DACH2: variants seen among roughly 807,000 people sequenced by gnomAD.
DACH2 encodes dachshund family transcription factor 2.
A neutral mutation model predicts 35.8 loss-of-function variants in DACH2; 17 were observed. The ratio of observed to expected loss-of-function variants is 0.48; its 90% CI spans 0.33 to 0.71. The LOEUF is 0.71. DACH2 is among the 30% of genes least tolerant of loss of function. The pLI is 0.02. For missense variants in DACH2, 469 were observed against 472.7 expected, an observed-to-expected ratio of 0.99 and a Z score of 0.07; for synonymous variants, 195 against 177.3, an observed-to-expected ratio of 1.10 and a Z score of -0.79.
chrX:86,534,089 G>C (rs745599189), intron 3 of DACH2, among the ~76,000 whole-genome samples: 4 of 112,136 alleles, frequency 3.6e-5, no homozygotes, highest in African/African-American at 1.3e-4. Flanking sequence ...ATTCCCTATA[G>C]CCTGATTGCT....
At chrX:86,459,909 A>G (rs1429957772) in intron 2 of DACH2, among the ~76,000 whole-genome samples, 1 of 111,126 alleles carries the variant, frequency 9.0e-6, no homozygotes, top group Non-Finnish European at 1.9e-5. Context: ...TTGCTAAACT[A>G]CTATAAAATT....
intron 1 of DACH2, among the ~76,000 whole-genome samples, chrX:86,365,768 A>T (rs2035798535): frequency 9.0e-6 from 1 of 111,270 alleles, no homozygotes; most frequent in Non-Finnish European, 1.9e-5. Context: ...TAATGTTTGC[A>T]CTTTTCTTGT....
chrX:86,592,561 A>G (rs1008591657), intron 3 of DACH2, among the ~76,000 whole-genome samples: 2 of 111,717 alleles, frequency 1.8e-5, no homozygotes, highest in Non-Finnish European at 3.8e-5. Context: ...TCACAAACTA[A>G]TTTTCTGGGA....
chrX:86,501,584 A>T lies in DACH2; in HGVS notation c.528-12695A>T, dbSNP rs537490455. On this transcript the variant is annotated intron_variant, in intron 2 of 11. Coordinates refer to ENST00000373125, the MANE Select transcript of DACH2 (RefSeq NM_053281.3). ...AGAGAATTAAAGAATTGAGATTTGA[A>T]TAGAAACTGTGTTACCTTGCTGACC... Among the ~76,000 whole-genome samples, 12 of 111,928 alleles carry T rather than the reference A, an allele frequency of 1.1e-4. No homozygotes were observed. The South Asian group carries it at 4.5e-3, about 42-fold the overall frequency.
intron 1 of DACH2, among the ~76,000 whole-genome samples, chrX:86,151,439 G>A (rs1205705367): frequency 9.0e-6 from 1 of 111,076 alleles, no homozygotes; most frequent in Non-Finnish European, 1.9e-5. Flanking sequence ...TACAAGTATT[G>A]CAATTTTATT....
chrX:86,234,313 T>G (rs2147935990), intron 1 of DACH2, among the ~76,000 whole-genome samples: 1 of 111,767 alleles, frequency 8.9e-6, no homozygotes, highest in South Asian at 3.7e-4. Flanking sequence ...CAACAATTGG[T>G]ATTCTTTCTA....
intron 2 of DACH2, among the ~76,000 whole-genome samples, chrX:86,382,565 C>T (rs1293979093): frequency 3.6e-5 from 4 of 109,597 alleles, no homozygotes; most frequent in Non-Finnish European, 7.6e-5. Context: ...GAAAACTTAA[C>T]CTGTGAGGAC....
intron 2 of DACH2, among the ~76,000 whole-genome samples, chrX:86,442,928 G>A (rs144984301): frequency 9.0e-4 from 101 of 111,639 alleles, no homozygotes; most frequent in African/African-American, 3.2e-3. Flanking sequence ...TGTCCCATGG[G>A]TCTATGTGTC....
At chrX:86,602,100 C>A (rs763672845) in intron 3 of DACH2, among the ~76,000 whole-genome samples, 57 of 112,042 alleles carry the variant, frequency 5.1e-4, no homozygotes, top group Admixed American at 1.2e-3. Flanking sequence ...TTCAAGAATG[C>A]AATATTAACA....
chrX:86,568,729 C>T (rs1209814561), intron 3 of DACH2, among the ~76,000 whole-genome samples: 1 of 111,112 alleles, frequency 9.0e-6, no homozygotes, highest in Non-Finnish European at 1.9e-5. Flanking sequence ...TCCTGATGCA[C>T]GAATGGGGCT....
At chrX:86,283,768 C>T (rs1204032104) in intron 1 of DACH2, among the ~76,000 whole-genome samples, 4 of 108,728 alleles carry the variant, frequency 3.7e-5, no homozygotes, top group Non-Finnish European at 5.7e-5. Context: ...GGAGAAATAC[C>T]TAATATAGAT....
At chrX:86,579,877 C>T (rs1168612410) in intron 3 of DACH2, among the ~76,000 whole-genome samples, 1 of 112,404 alleles carries the variant, frequency 8.9e-6, no homozygotes, top group Non-Finnish European at 1.9e-5. Context: ...AGCCTACATG[C>T]GTGCAGCCTG....
intron 4 of DACH2, among the ~76,000 whole-genome samples, chrX:86,689,093 T>C (rs755531641): frequency 8.9e-5 from 10 of 111,812 alleles, no homozygotes; most frequent in Non-Finnish European, 1.9e-4. Flanking sequence ...TCTTCCTAGG[T>C]AATGTTTTAA....
intron 1 of DACH2, among the ~76,000 whole-genome samples, chrX:86,249,621 G>A (rs2147950150): frequency 9.0e-6 from 1 of 111,357 alleles, no homozygotes; most frequent in African/African-American, 3.3e-5. Flanking sequence ...AATTAGCTCA[G>A]CCACTGTGAA....
intron 2 of DACH2, among the ~76,000 whole-genome samples, chrX:86,412,894 G>A (rs2036638107): frequency 9.0e-6 from 1 of 111,447 alleles, no homozygotes; most frequent in African/African-American, 3.3e-5. Context: ...AAAACTGGCA[G>A]CCTTTCGGGT....
intron 2 of DACH2, among the ~76,000 whole-genome samples, chrX:86,503,592 C>T (rs1453096237): frequency 8.9e-6 from 1 of 111,883 alleles, no homozygotes; most frequent in East Asian, 2.8e-4. Context: ...TGGTCATGGC[C>T]ACTGTTGATT....
At chrX:86,605,420 T>G (rs893380767) in intron 3 of DACH2, among the ~76,000 whole-genome samples, 1 of 111,374 alleles carries the variant, frequency 9.0e-6, no homozygotes, top group African/African-American at 3.3e-5. Context: ...TTGGCACATT[T>G]TTTTTTCTTT....
chrX:86,409,601 C>A (rs2036578889), intron 2 of DACH2, among the ~76,000 whole-genome samples: 1 of 111,153 alleles, frequency 9.0e-6, no homozygotes, highest in Non-Finnish European at 1.9e-5. Flanking sequence ...CTTTGCCATC[C>A]ATCATGATTG....
chrX:86,325,779 C>A (rs1198292746), intron 1 of DACH2, among the ~76,000 whole-genome samples: 1 of 111,690 alleles, frequency 9.0e-6, no homozygotes, highest in East Asian at 2.8e-4. Flanking sequence ...GTAATTATAA[C>A]AAGGTGAACA....
Sources: gnomAD v4.1 joint callset for allele counts (sites outside exome capture counted in the v4.1 genomes callset) on GRCh38, gnomAD v4.1.1 for gene constraint, MANE v1.5 for transcripts, NCBI Gene and HGNC (gene_info 2026-07-23, HGNC 2026-07-21) for gene names.